UNC13C: variants seen among roughly 807,000 people sequenced by gnomAD.
The protein encoded by UNC13C is unc-13 homolog C, also known as protein unc-13 homolog C.
UNC13C carries 174 observed loss-of-function variants against 245.4 expected under a neutral mutation model. The observed-to-expected ratio is 0.71, with a 90% CI of 0.63 to 0.80. UNC13C has a LOEUF of 0.80. Ranked by LOEUF, UNC13C falls within the 30% of genes least tolerant of loss-of-function variation. The pLI, the probability that UNC13C is intolerant of heterozygous loss-of-function variation, is 0.00. For missense variants in UNC13C, 2,829 were observed against 2,602.9 expected (o/e 1.09, Z -1.89); for synonymous variants, 992 against 895.1 (o/e 1.11, Z -1.93).
intron 7 of UNC13C, among the ~76,000 whole-genome samples, chr15:54,248,634 C>T (rs1157385304): frequency 1.3e-5 from 2 of 151,572 alleles, no homozygotes; most frequent in Non-Finnish European, 2.9e-5. Context: ...GTGATGGATC[C>T]AGTTTTTCTA....
the UNC13C span, among the ~76,000 whole-genome samples, chr15:53,968,339 T>C: frequency 3.9e-5 from 6 of 152,306 alleles, no homozygotes; most frequent in East Asian, 9.6e-4. Context: ...TTGTTCTTAG[T>C]GAATTAGGCA....
intron 4 of UNC13C, among the ~76,000 whole-genome samples, chr15:54,222,493 A>C (rs919833501): frequency 1.3e-5 from 2 of 151,542 alleles, no homozygotes; most frequent in African/African-American, 4.8e-5. Flanking sequence ...TATTCATCTG[A>C]TGATGGACAT....
At chr15:54,383,354 T>A (rs1181462502) in intron 17 of UNC13C, among the ~76,000 whole-genome samples, 4 of 152,138 alleles carry the variant, frequency 2.6e-5, no homozygotes, top group African/African-American at 9.7e-5. Flanking sequence ...AAGTGAGATT[T>A]ATCCCAAGGA....
chr15:54,036,516 T>A (rs981315587), intron 2 of UNC13C, among the ~76,000 whole-genome samples: 3,328 of 152,270 alleles, frequency 0.022, 121 homozygotes, highest in South Asian at 0.13. Context: ...AGAAACTTCT[T>A]TTGGGGACTC....
intron 13 of UNC13C, among the ~76,000 whole-genome samples, chr15:54,312,820 C>T (rs1484616898): frequency 6.6e-6 from 1 of 151,804 alleles, no homozygotes; most frequent in African/African-American, 2.4e-5. Flanking sequence ...TAGAAATACC[C>T]TCCCATTCCT....
chr15:54,547,825 A>G (rs909783539), intron 27 of UNC13C, among the ~76,000 whole-genome samples: 1 of 113,022 alleles, frequency 8.8e-6, no homozygotes, highest in South Asian at 2.4e-4. Flanking sequence ...TACACATTCT[A>G]CTTCAATACA....
At position 54,025,430 on chromosome 15, in the gene UNC13C, A is replaced by G. The variant is rs1354639104; in HGVS notation, c.2983+9544A>G. Among the ~76,000 whole-genome samples, 5 of 152,166 alleles carry G rather than the reference A, an allele frequency of 3.3e-5. No individual in the cohort carries two copies. In the East Asian group the frequency reaches 9.6e-4, roughly 29 times the overall value. ...TATTCTAAATACTTCACTAAATCAT[A>G]TCTTCACAATAACCCTATGAAATGG... On this transcript the variant is annotated intron_variant, in intron 2 of 32. Coordinates refer to ENST00000260323, the MANE Select transcript of UNC13C (RefSeq NM_001080534.3).
At chr15:54,329,412 ATTTATTATTATT>A (rs1483632452) in intron 14 of UNC13C, among the ~76,000 whole-genome samples, 1 of 151,878 alleles carries the variant, frequency 6.6e-6, no homozygotes, top group East Asian at 1.9e-4. Context: ...CTATTATAGT[ATTTATTATTATT>A]TTTATTATTG....
At chr15:54,073,863 G>T (rs1483428837) in intron 2 of UNC13C, among the ~76,000 whole-genome samples, 3 of 152,120 alleles carry the variant, frequency 2.0e-5, no homozygotes, top group Non-Finnish European at 4.4e-5. Flanking sequence ...CTTTTGCTGT[G>T]CAGAAGCTCT....
At chr15:54,360,531 C>A (rs2140862776) in intron 17 of UNC13C, among the ~76,000 whole-genome samples, 1 of 152,082 alleles carries the variant, frequency 6.6e-6, no homozygotes, top group Non-Finnish European at 1.5e-5. Context: ...GCTGTATTGA[C>A]CCCTTTATCA....
intron 4 of UNC13C, among the ~76,000 whole-genome samples, chr15:54,154,861 T>C (rs1022184423): frequency 2.6e-5 from 4 of 152,170 alleles, no homozygotes; most frequent in African/African-American, 9.7e-5. Flanking sequence ...ATTGAAGAAA[T>C]TGTGTATAGG....
chr15:54,309,253 T>G (rs1262875757), intron 13 of UNC13C, among the ~76,000 whole-genome samples: 1 of 151,902 alleles, frequency 6.6e-6, no homozygotes, highest in Non-Finnish European at 1.5e-5. Flanking sequence ...TCTCTGATGA[T>G]TAGTGATGTT....
At chr15:54,368,166 C>G (rs532117995) in intron 17 of UNC13C, among the ~76,000 whole-genome samples, 6 of 152,144 alleles carry the variant, frequency 3.9e-5, no homozygotes, top group African/African-American at 1.4e-4. Flanking sequence ...ACTATTGACA[C>G]TTTACCCTAT....
At chr15:54,194,310 G>C (rs1036766349) in intron 4 of UNC13C, among the ~76,000 whole-genome samples, 1 of 152,096 alleles carries the variant, frequency 6.6e-6, no homozygotes, top group African/African-American at 2.4e-5. Flanking sequence ...TTTCCCTGAT[G>C]TATGCTCTTA....
chr15:54,096,674 C>T (rs1248149211), intron 2 of UNC13C, among the ~76,000 whole-genome samples: 1 of 152,162 alleles, frequency 6.6e-6, no homozygotes, highest in Non-Finnish European at 1.5e-5. Context: ...CATTGCCTGA[C>T]ATTTAGAATG....
At chr15:53,920,348 G>T in the UNC13C span, among the ~76,000 whole-genome samples, 5 of 152,220 alleles carry the variant, frequency 3.3e-5, no homozygotes, top group Middle Eastern at 3.4e-3. Flanking sequence ...CTGGTCAGGA[G>T]TTCAAGACCA....
the UNC13C span, among the ~76,000 whole-genome samples, chr15:53,927,360 G>A: frequency 1.3e-5 from 2 of 152,154 alleles, no homozygotes; most frequent in Non-Finnish European, 2.9e-5. Flanking sequence ...AGAACAGTTG[G>A]GATGTGGGTG....
At chr15:54,474,872 C>A (rs550213909) in intron 19 of UNC13C, among the ~76,000 whole-genome samples, 1 of 151,764 alleles carries the variant, frequency 6.6e-6, no homozygotes, top group African/African-American at 2.4e-5. Flanking sequence ...AGGCATCACA[C>A]GACAAGAGAG....
the UNC13C span, among the ~76,000 whole-genome samples, chr15:53,909,273 CT>C: frequency 1.4e-5 from 2 of 145,852 alleles, no homozygotes; most frequent in Non-Finnish European, 3.1e-5. Flanking sequence ...CTGCACTGTG[CT>C]TTTTTTTAAC....
Sources: allele counts gnomAD v4.1 joint callset (sites outside exome capture counted in the v4.1 genomes callset), GRCh38; gene constraint gnomAD v4.1.1; transcripts MANE v1.5; gene names NCBI Gene and HGNC (gene_info 2026-07-23, HGNC 2026-07-21).